ADGRG2: variants seen among roughly 807,000 people sequenced by gnomAD.
ADGRG2 encodes G protein-coupled receptor 64.
A neutral mutation model predicts 74.1 loss-of-function variants in ADGRG2; 26 were observed. The observed-to-expected ratio is 0.35, with a 90% CI of 0.26 to 0.49. The LOEUF (loss-of-function observed/expected upper bound fraction) is 0.49. ADGRG2 is among the 20% of genes least tolerant of loss of function. ADGRG2 has a pLI of 0.99. For missense variants in ADGRG2, 619 were observed against 763.1 expected, an observed-to-expected ratio of 0.81 and a Z score of 2.22; for synonymous variants, 296 against 295.2, an observed-to-expected ratio of 1.00 and a Z score of -0.03.
intron 1 of ADGRG2, among the ~76,000 whole-genome samples, chrX:19,102,498 G>A (rs147720383): frequency 7.6e-4 from 83 of 109,473 alleles, no homozygotes; most frequent in African/African-American, 2.3e-3. Flanking sequence ...AGAAGGCCTC[G>A]CATGGAGGCC....
intron 3 of ADGRG2, among the ~76,000 whole-genome samples, chrX:19,065,407 A>G: frequency 9.0e-6 from 1 of 111,130 alleles, no homozygotes. Context: ...TGTCTGTCAC[A>G]CTTTGGGAAC....
At chrX:19,104,290 G>A (rs765601799) in intron 1 of ADGRG2, among the ~76,000 whole-genome samples, 8 of 110,607 alleles carry the variant, frequency 7.2e-5, no homozygotes, top group African/African-American at 9.9e-5. Context: ...CCCGGGATGT[G>A]ATCAAGCTTC....
intron 2 of ADGRG2, among the ~76,000 whole-genome samples, chrX:19,074,776 G>A (rs2061717697): frequency 1.9e-5 from 2 of 107,565 alleles, no homozygotes. Context: ...TCACCATGTT[G>A]GCCAGGCTAG....
intron 4 of ADGRG2, among the ~76,000 whole-genome samples, chrX:19,039,527 T>G (rs781398647): frequency 5.6e-4 from 63 of 111,699 alleles, no homozygotes; most frequent in African/African-American, 2.0e-3. Flanking sequence ...GAAGTAGGAG[T>G]CAGAGAAGCC....
At chrX:19,002,128 A>G (rs1438273483) in intron 24 of ADGRG2, among the ~76,000 whole-genome samples, 1 of 110,750 alleles carries the variant, frequency 9.0e-6, no homozygotes, top group African/African-American at 3.3e-5. Flanking sequence ...AGAGCTTTAT[A>G]AAATGGTTAT....
chrX:19,036,113 T>C, intron 6 of ADGRG2, 136 bp from the exon 7 acceptor site: 1 of 367,815 alleles, frequency 2.7e-6, no homozygotes. Flanking sequence ...CTGACACTAC[T>C]AAATGTTTTT....
chrX:19,028,761 G>A (rs143947092), intron 9 of ADGRG2, among the ~76,000 whole-genome samples: 295 of 111,816 alleles, frequency 2.6e-3, no homozygotes, highest in African/African-American at 9.3e-3. Flanking sequence ...CCCATGGGCC[G>A]CAGTTGAACA....
At chrX:19,021,828 A>T (rs1277367258) in intron 13 of ADGRG2, among the ~76,000 whole-genome samples, 2 of 109,662 alleles carry the variant, frequency 1.8e-5, no homozygotes, top group African/African-American at 6.6e-5. Context: ...TTGTATTTTC[A>T]TTAGAGATGG....
chrX:19,004,730 A>G (rs1319652551), intron 23 of ADGRG2, 28 bp downstream of exon 23: 1 of 1,198,797 alleles, frequency 8.3e-7, no homozygotes, highest in Non-Finnish European at 1.1e-6. Context: ...TGAGTCCTAA[A>G]TCCAAATTTC....
rs374672710 is a variant in ADGRG2, at chrX:19,059,143, G to A, written c.118+9574C>T. Among the ~76,000 whole-genome samples the A allele has an allele frequency of 9.0e-5, 10 of 111,563 alleles. No individual in the cohort carries two copies. In the South Asian group the frequency reaches 1.1e-3, roughly 13 times the overall value. ...GGCTGCAGTGAGCCATGATTGTTGCGCCTGTGAATAGGCACCGCATTCCAG... is the reference window on the plus strand; with the variant it reads ...GGCTGCAGTGAGCCATGATTGTTGCACCTGTGAATAGGCACCGCATTCCAG... On this transcript the variant is annotated intron_variant, in intron 3 of 28. Transcript: ENST00000379869.
At position 19,036,077 on chromosome X, in the gene ADGRG2, G is replaced by C. The variant is rs1351052259; in HGVS notation, c.227-100C>G. 6 of 429,524 alleles carry C rather than the reference G, an allele frequency of 1.4e-5. No homozygotes were observed. The Middle Eastern group carries it at 2.0e-3, about 144-fold the overall frequency. 35.4% of individuals were successfully genotyped at this position (429,524 alleles called of 1,213,427 possible). ...AACATTTCCCTTTTCCCCAAATCTG[G>C]GAGAAGTTAGTTTTGCAAAAGCCAA... On this transcript the variant is annotated intron_variant, in intron 6 of 28. Transcript: ENST00000379869.
At chrX:19,049,571 C>T (rs1033538259) in intron 3 of ADGRG2, among the ~76,000 whole-genome samples, 3 of 108,995 alleles carry the variant, frequency 2.8e-5, no homozygotes, top group Non-Finnish European at 5.7e-5. Context: ...CCACAGGCCA[C>T]ATGTGGCCCA....
At chrX:19,037,087 T>A (rs1381816427) in intron 6 of ADGRG2, among the ~76,000 whole-genome samples, 1 of 112,472 alleles carries the variant, frequency 8.9e-6, no homozygotes, top group Non-Finnish European at 1.9e-5. Context: ...TTGAACACAC[T>A]GTGCCTCCAA....
chrX:19,119,333 C>T (rs1167144770), intron 1 of ADGRG2, among the ~76,000 whole-genome samples: 2 of 111,966 alleles, frequency 1.8e-5, no homozygotes, highest in Admixed American at 9.5e-5. Context: ...CGTTTAAGTT[C>T]CATCACCCAC....
intron 6 of ADGRG2, 75 bp downstream of exon 6, chrX:19,037,392 C>T: frequency 1.4e-6 from 1 of 733,207 alleles, no homozygotes; most frequent in Non-Finnish European, 2.0e-6. Context: ...GAAATGGAAA[C>T]CTTCAACACC....
intron 7 of ADGRG2, chrX:19,034,700 T>G (rs1178537315): frequency 8.9e-6 from 1 of 111,831 alleles, no homozygotes; most frequent in Non-Finnish European, 1.9e-5. Context: ...TTTGGGAGGC[T>G]GAGGCGGGCG....
intron 11 of ADGRG2, among the ~76,000 whole-genome samples, chrX:19,026,805 C>T (rs2060713094): frequency 9.0e-6 from 1 of 111,165 alleles, no homozygotes; most frequent in Non-Finnish European, 1.9e-5. Context: ...CAAGGGGCAT[C>T]TGTTTGTAAT....
At chrX:19,041,558 C>T (rs1299622668) in intron 3 of ADGRG2, among the ~76,000 whole-genome samples, 1 of 111,868 alleles carries the variant, frequency 8.9e-6, no homozygotes, top group Non-Finnish European at 1.9e-5. Flanking sequence ...CTCCAGGAGC[C>T]TATTTTCTTG....
chrX:19,063,455 T>G (rs942304683), intron 3 of ADGRG2, among the ~76,000 whole-genome samples: 1 of 112,543 alleles, frequency 8.9e-6, no homozygotes, highest in African/African-American at 3.2e-5. Flanking sequence ...TTCCTAGCTG[T>G]GGGACCTCTA....
Sources: gnomAD v4.1 joint callset for allele counts (sites outside exome capture counted in the v4.1 genomes callset) on GRCh38, gnomAD v4.1.1 for gene constraint, MANE v1.5 for transcripts, NCBI Gene and HGNC (gene_info 2026-07-23, HGNC 2026-07-21) for gene names.